Variants in BARX2 observed in about 807,000 individuals in gnomAD.
BARX2 encodes homeobox protein BarH-like 2.
Under a neutral mutation model 25.5 loss-of-function variants are expected in BARX2, and 11 were observed. The ratio of observed to expected loss-of-function variants is 0.43; its 90% CI spans 0.27 to 0.71. BARX2 has a LOEUF of 0.71. Among genes scored for constraint, BARX2 ranks in the 30% least tolerant of loss-of-function variants. The probability of loss-of-function intolerance (pLI) is 0.19; values close to 1 mark genes in which losing one functional copy is unlikely to be tolerated. For missense variants in BARX2, 360 were observed against 359.9 expected (o/e 1.00, Z 0.00); for synonymous variants, 137 against 149.5 (o/e 0.92, Z 0.61).
At chr11:129,406,361 G>T (rs1861830391) in intron 1 of BARX2, among the ~76,000 whole-genome samples, 1 of 152,194 alleles carries the variant, frequency 6.6e-6, no homozygotes. Context: ...ACCCAACTTG[G>T]TAGTAGCAGA....
In BARX2 at chr11:129,376,035, C is replaced by A; in HGVS notation, c.-1C>A. On this transcript the variant is annotated 5_prime_UTR_variant, in exon 1 of 4. Coordinates refer to ENST00000281437, the MANE Select transcript of BARX2 (RefSeq NM_003658.5). This position sits in a 1 kb window ranked among gnomAD's most constrained non-coding sequence, Gnocchi z 4.2. ...CCGGCGGACGCTCGCGCCGGCTCAC[C>A]ATGCACTGCCACGCCGAGCTGAGGC... 1 of 1,560,910 alleles carries A rather than the reference C, an allele frequency of 6.4e-7. No individual in the cohort carries two copies. The highest frequency in any genetic ancestry group is 8.6e-7 in the Non-Finnish European group (1 of 1,157,772).
intron 2 of BARX2, 199 bp from the exon 3 acceptor site, chr11:129,442,636 T>TCA (rs2135415091): frequency 1.7e-6 from 1 of 592,344 alleles, no homozygotes; most frequent in Non-Finnish European, 3.1e-6. Context: ...CATGGGCATC[T>TCA]GTTTCTCAGC....
intron 1 of BARX2, among the ~76,000 whole-genome samples, chr11:129,422,358 G>T (rs965516455): frequency 2.0e-5 from 3 of 150,884 alleles, no homozygotes; most frequent in African/African-American, 7.4e-5. Flanking sequence ...CAGTGCAATG[G>T]TGCAATCGTA....
intron 2 of BARX2, among the ~76,000 whole-genome samples, chr11:129,440,087 C>A (rs531471870): frequency 1.3e-5 from 2 of 152,176 alleles, no homozygotes; most frequent in Non-Finnish European, 2.9e-5. Context: ...CGCCTCCCTA[C>A]GTGACCAGGG....
intron 1 of BARX2, among the ~76,000 whole-genome samples, chr11:129,396,322 C>A (rs1201937839): frequency 6.6e-6 from 1 of 151,960 alleles, no homozygotes; most frequent in Non-Finnish European, 1.5e-5. Context: ...CGTCTCCCTG[C>A]CCTGGGATTT....
chr11:129,412,889 A>G (rs1354659331), intron 1 of BARX2, among the ~76,000 whole-genome samples: 1 of 152,232 alleles, frequency 6.6e-6, no homozygotes, highest in African/African-American at 2.4e-5. Context: ...TTCAGAGAAT[A>G]ATACACAGTA....
At chr11:129,391,114 T>A (rs7127988) in intron 1 of BARX2, among the ~76,000 whole-genome samples, 10 of 152,126 alleles carry the variant, frequency 6.6e-5, no homozygotes, top group East Asian at 5.8e-4. Context: ...GAGGGACTCC[T>A]TGCAGTCTCC....
chr11:129,411,611 C>T (rs1227595885), intron 1 of BARX2, among the ~76,000 whole-genome samples: 1 of 152,186 alleles, frequency 6.6e-6, no homozygotes, highest in East Asian at 1.9e-4. Flanking sequence ...TACCCAAAGA[C>T]AGAAGCACTG....
chr11:129,408,687 C>A (rs367835164), intron 1 of BARX2, among the ~76,000 whole-genome samples: 9 of 152,310 alleles, frequency 5.9e-5, no homozygotes, highest in African/African-American at 2.2e-4. Context: ...GCCTCCCCAC[C>A]CTCAGCCTCC....
At chr11:129,381,889 G>A (rs868316160) in intron 1 of BARX2, among the ~76,000 whole-genome samples, 4 of 152,270 alleles carry the variant, frequency 2.6e-5, no homozygotes, top group South Asian at 2.1e-4. Flanking sequence ...GCATTCCTCC[G>A]AAGGGCTGTA....
At position 129,376,185 on chromosome 11, in the gene BARX2, G is replaced by A. The variant is rs190637588; in HGVS notation, c.150G>A (p.Ser50=). The A allele has an allele frequency of 4.3e-6, 7 of 1,611,258 alleles. No individual in the cohort carries two copies. The East Asian group carries it at 1.6e-4, about 36-fold the overall frequency. The change falls in exon 1 of 4, where the codon TCG becomes TCA. Residue 50 remains serine, a synonymous_variant. Transcript: ENST00000281437. The surrounding 1 kb of genome is among the most constrained non-coding windows in gnomAD (Gnocchi z 4.2). ...EKLSLYSVCP[S]LVVRPKPLHS... is the part of the protein sequence containing the mutation. Reference sequence around the variant, plus strand: ...TTTCCCTCTACTCCGTGTGCCCGTCGCTGGTCGTGCGACCCAAGCCCCTGC... The same window carrying A: ...TTTCCCTCTACTCCGTGTGCCCGTCACTGGTCGTGCGACCCAAGCCCCTGC...
chr11:129,448,253 C>A (rs1191135825), intron 3 of BARX2, among the ~76,000 whole-genome samples: 1 of 152,118 alleles, frequency 6.6e-6, no homozygotes, highest in East Asian at 1.9e-4. Flanking sequence ...GATATGACAG[C>A]AAAAGCACAA....
chr11:129,444,122 T>C (rs1862295733), intron 3 of BARX2, among the ~76,000 whole-genome samples: 1 of 151,624 alleles, frequency 6.6e-6, no homozygotes, highest in Admixed American at 6.6e-5. Flanking sequence ...AAAAAAAAAG[T>C]CAGTGGATAG....
chr11:129,386,709 C>G (rs1465291702), intron 1 of BARX2, among the ~76,000 whole-genome samples: 2 of 152,222 alleles, frequency 1.3e-5, no homozygotes, highest in Non-Finnish European at 2.9e-5. Flanking sequence ...CTTTTCTCAG[C>G]AAAGTAGTCC....
intron 1 of BARX2, among the ~76,000 whole-genome samples, chr11:129,429,592 G>A (rs1770294472): frequency 6.6e-6 from 1 of 152,062 alleles, no homozygotes; most frequent in Non-Finnish European, 1.5e-5. Flanking sequence ...AATTCTGTAA[G>A]CAAAATAAAG....
intron 3 of BARX2, among the ~76,000 whole-genome samples, chr11:129,443,248 T>C (rs1862285167): frequency 6.6e-6 from 1 of 152,198 alleles, no homozygotes; most frequent in South Asian, 2.1e-4. Context: ...TAGGTATACA[T>C]TTGCCATGGT....
chr11:129,439,286 TTTA>T (rs1862229748), intron 2 of BARX2, among the ~76,000 whole-genome samples: 1 of 152,036 alleles, frequency 6.6e-6, no homozygotes, highest in African/African-American at 2.4e-5. Flanking sequence ...CAATTTTTTT[TTTA>T]TTATTATACT....
intron 1 of BARX2, among the ~76,000 whole-genome samples, chr11:129,413,712 G>C (rs7952505): frequency 0.041 from 6,311 of 152,178 alleles, 474 homozygotes; most frequent in African/African-American, 0.14. Flanking sequence ...GTGGGGAAAG[G>C]TGTCATCGGC....
chr11:129,397,010 C>T (rs1861727384), intron 1 of BARX2, among the ~76,000 whole-genome samples: 1 of 152,084 alleles, frequency 6.6e-6, no homozygotes, highest in Admixed American at 6.5e-5. Flanking sequence ...CAAGGCTGGG[C>T]ACGGTGGCTC....
Sources: allele counts gnomAD v4.1 joint callset (sites outside exome capture counted in the v4.1 genomes callset), GRCh38; gene constraint gnomAD v4.1.1; non-coding constraint Gnocchi (gnomAD v3.1); transcripts MANE v1.5; gene names NCBI Gene and HGNC (gene_info 2026-07-23, HGNC 2026-07-21).